SLC30A8: variants seen among roughly 807,000 people sequenced by gnomAD.
SLC30A8 encodes the protein solute carrier family 30 member 8, also known as proton-coupled zinc antiporter SLC30A8.
In SLC30A8, 27 loss-of-function variants were observed where a neutral mutation model predicts 36.9. That is an observed-to-expected ratio of 0.73 (90% CI 0.54 to 1.01). SLC30A8 has a LOEUF of 1.01. Among genes scored for constraint, SLC30A8 ranks in the 50% least tolerant of loss-of-function variants. SLC30A8 has a pLI of 0.00. For missense variants in SLC30A8, 439 were observed against 452.0 expected (o/e 0.97, Z 0.26); for synonymous variants, 164 against 172.4 (o/e 0.95, Z 0.38).
At chr8:117,151,030 G>A (rs566528889) in intron 2 of SLC30A8, among the ~76,000 whole-genome samples, 6 of 152,086 alleles carry the variant, frequency 3.9e-5, no homozygotes, top group South Asian at 4.2e-4. Flanking sequence ...CCACACAGGC[G>A]TTTCCAACCT....
At chr8:117,128,573 G>A (rs1362856960) in intron 2 of SLC30A8, 1 of 151,906 alleles carries the variant, frequency 6.6e-6, no homozygotes, top group Non-Finnish European at 1.5e-5. Flanking sequence ...GTAAGAAGAA[G>A]ACTTGCTGCC....
At chr8:117,117,636 G>A (rs1237479971) in intron 2 of SLC30A8, among the ~76,000 whole-genome samples, 1 of 151,960 alleles carries the variant, frequency 6.6e-6, no homozygotes, top group Non-Finnish European at 1.5e-5. Context: ...ACTGCTTTAT[G>A]TACAGATGTC....
At chr8:117,133,885 C>T (rs1403536517), upstream of SLC30A8, among the ~76,000 whole-genome samples, 1 of 151,966 alleles carries the variant, frequency 6.6e-6, no homozygotes, top group Non-Finnish European at 1.5e-5. Context: ...CCCAGAGCCT[C>T]TTAGAGGCTC....
At chr8:117,126,888 G>T (rs930421667) in intron 2 of SLC30A8, among the ~76,000 whole-genome samples, 3 of 152,016 alleles carry the variant, frequency 2.0e-5, no homozygotes, top group African/African-American at 7.2e-5. Context: ...TATCTGGCAG[G>T]ATGAGAATGC....
At chr8:117,087,843 A>C (rs1818941420) in intron 2 of SLC30A8, among the ~76,000 whole-genome samples, 1 of 152,008 alleles carries the variant, frequency 6.6e-6, no homozygotes, top group Non-Finnish European at 1.5e-5. Context: ...TTCATTTTAG[A>C]CTTATATAAA....
At chr8:117,115,694 G>GT (rs1403114853) in intron 2 of SLC30A8, among the ~76,000 whole-genome samples, 1 of 152,054 alleles carries the variant, frequency 6.6e-6, no homozygotes, top group African/African-American at 2.4e-5. Context: ...CAGTTAAACA[G>GT]TTGGAGGTCT....
At chr8:117,124,779 A>T (rs925804390) in intron 2 of SLC30A8, among the ~76,000 whole-genome samples, 1 of 151,898 alleles carries the variant, frequency 6.6e-6, no homozygotes, top group Admixed American at 6.6e-5. Flanking sequence ...TGAGAACCAT[A>T]GACACTGTGG....
chr8:116,953,728 A>G (rs927833628), intron 1 of SLC30A8, among the ~76,000 whole-genome samples: 2 of 151,978 alleles, frequency 1.3e-5, no homozygotes, highest in Non-Finnish European at 2.9e-5. Context: ...GCATTTTTCT[A>G]TCAACTTTTT....
chr8:116,970,146 A>T (rs868630837), intron 1 of SLC30A8, among the ~76,000 whole-genome samples: 8 of 152,072 alleles, frequency 5.3e-5, no homozygotes, highest in Admixed American at 2.6e-4. Context: ...AATTTAAAAA[A>T]TTTTTAGAAC....
intron 2 of SLC30A8, among the ~76,000 whole-genome samples, chr8:117,039,724 G>A (rs1332897670): frequency 6.6e-6 from 1 of 152,206 alleles, no homozygotes; most frequent in Non-Finnish European, 1.5e-5. Flanking sequence ...GTGAATAATA[G>A]CTGAATAATA....
intron 1 of SLC30A8, among the ~76,000 whole-genome samples, chr8:116,968,198 C>CCTT (rs897965959): frequency 2.2e-4 from 34 of 152,088 alleles, no homozygotes; most frequent in Admixed American, 1.4e-3. Flanking sequence ...CCACACTAAT[C>CCTT]AGCTGTCCTG....
intron 2 of SLC30A8, among the ~76,000 whole-genome samples, chr8:117,072,415 C>G (rs1333100006): frequency 1.3e-5 from 2 of 152,122 alleles, no homozygotes; most frequent in Non-Finnish European, 2.9e-5. Flanking sequence ...AAGCCTATCC[C>G]TAATGACACC....
At chr8:117,087,952 G>A (rs940328868) in intron 2 of SLC30A8, among the ~76,000 whole-genome samples, 15 of 152,048 alleles carry the variant, frequency 9.9e-5, no homozygotes, top group African/African-American at 2.7e-4. Context: ...GAAAGTAGGC[G>A]GTGGGGGAGA....
At chr8:117,071,471 T>C (rs1818328816) in intron 2 of SLC30A8, among the ~76,000 whole-genome samples, 1 of 152,212 alleles carries the variant, frequency 6.6e-6, no homozygotes, top group Non-Finnish European at 1.5e-5. Context: ...GAAGTATGGG[T>C]TGCAAATATA....
intron 2 of SLC30A8, among the ~76,000 whole-genome samples, chr8:117,067,784 A>C (rs1818213643): frequency 6.6e-6 from 1 of 152,174 alleles, no homozygotes; most frequent in Non-Finnish European, 1.5e-5. Context: ...TTTCTTCTAT[A>C]ACCTACAATA....
intron 6 of SLC30A8, among the ~76,000 whole-genome samples, chr8:117,170,243 G>A (rs1417022515): frequency 6.6e-6 from 1 of 152,142 alleles, no homozygotes; most frequent in Non-Finnish European, 1.5e-5. Context: ...AAAGACTCTA[G>A]ATTTTGGAGC....
intron 2 of SLC30A8, among the ~76,000 whole-genome samples, chr8:117,090,772 C>A (rs769751465): frequency 7.2e-5 from 11 of 152,136 alleles, no homozygotes; most frequent in Non-Finnish European, 1.3e-4. Flanking sequence ...TGTTGCCAGC[C>A]CTTAAGATGT....
At chr8:117,070,344 G>A (rs73315629) in intron 2 of SLC30A8, among the ~76,000 whole-genome samples, 15,163 of 152,100 alleles carry the variant, frequency 0.1, 1,287 homozygotes, top group African/African-American at 0.23. Context: ...ATGCTTGGCC[G>A]TTGGTGCTGA....
chr8:116,959,824 C>T (rs1445149862), intron 1 of SLC30A8, among the ~76,000 whole-genome samples: 2 of 152,168 alleles, frequency 1.3e-5, no homozygotes, highest in African/African-American at 2.4e-5. Context: ...CCTTTCAGAT[C>T]GTTCTTTCTG....
Sources: allele counts gnomAD v4.1 joint callset (sites outside exome capture counted in the v4.1 genomes callset), GRCh38; gene constraint gnomAD v4.1.1; transcripts MANE v1.5; gene names NCBI Gene and HGNC (gene_info 2026-07-23, HGNC 2026-07-21).